Variants in SBF2 observed in about 807,000 individuals in gnomAD.
The protein encoded by SBF2 is myotubularin-related protein 13.
A neutral mutation model predicts 225.2 loss-of-function variants in SBF2; 112 were observed. The observed-to-expected ratio is 0.50, with a 90% confidence interval of 0.43 to 0.58. SBF2 has a LOEUF of 0.58. SBF2 is among the 20% of genes least tolerant of loss of function. SBF2 has a pLI of 0.00. For missense variants in SBF2, 1,996 were observed against 2,206.2 expected (o/e 0.90, Z 1.91); for synonymous variants, 763 against 773.3 (o/e 0.99, Z 0.22).
At chr11:10,168,039 G>A (rs1469361123) in intron 2 of SBF2, among the ~76,000 whole-genome samples, 1 of 152,044 alleles carries the variant, frequency 6.6e-6, no homozygotes, top group Non-Finnish European at 1.5e-5. Context: ...CAAAAACAAA[G>A]TAACAGACCA....
intron 17 of SBF2, among the ~76,000 whole-genome samples, chr11:9,871,220 T>C (rs901241390): frequency 6.6e-5 from 10 of 151,784 alleles, no homozygotes; most frequent in African/African-American, 2.4e-4. Context: ...ACCTACAGAA[T>C]GGGAGAAAAT....
intron 17 of SBF2, among the ~76,000 whole-genome samples, chr11:9,877,539 C>T (rs1327289640): frequency 6.6e-6 from 1 of 152,116 alleles, no homozygotes; most frequent in African/African-American, 2.4e-5. Context: ...AATGCTATCC[C>T]TACCCCAATC....
intron 14 of SBF2, among the ~76,000 whole-genome samples, chr11:9,966,539 T>A (rs1464914897): frequency 6.6e-6 from 1 of 152,286 alleles, no homozygotes; most frequent in East Asian, 1.9e-4. Context: ...AAATAGGGAA[T>A]TCTGCTATTA....
chr11:9,871,470 C>CTTATTA (rs375904547), intron 17 of SBF2, among the ~76,000 whole-genome samples: 29,536 of 136,672 alleles, frequency 0.22, 3,409 homozygotes, highest in Middle Eastern at 0.27. Flanking sequence ...CAGGATGACG[C>CTTATTA]TTATTATTAT....
intron 32 of SBF2, among the ~76,000 whole-genome samples, chr11:9,804,304 C>T (rs1853664046): frequency 6.6e-6 from 1 of 152,162 alleles, no homozygotes; most frequent in African/African-American, 2.4e-5. Context: ...AGCAAGCAGC[C>T]AGACCTACAA....
intron 3 of SBF2, among the ~76,000 whole-genome samples, chr11:10,037,606 T>A (rs371434752): frequency 2.0e-5 from 3 of 151,714 alleles, no homozygotes; most frequent in African/African-American, 7.3e-5. Context: ...AACCTACCTA[T>A]ATGGTCAACT....
intron 2 of SBF2, among the ~76,000 whole-genome samples, chr11:10,073,280 T>G (rs979010192): frequency 2.6e-5 from 4 of 152,154 alleles, no homozygotes; most frequent in African/African-American, 9.6e-5. Flanking sequence ...CCTTGTAAAG[T>G]TGAAGTAAAA....
chr11:10,107,723 A>G (rs1952613290), intron 2 of SBF2, among the ~76,000 whole-genome samples: 1 of 152,056 alleles, frequency 6.6e-6, no homozygotes, highest in Non-Finnish European at 1.5e-5. Flanking sequence ...CCTCCTCTTT[A>G]TGTCTCCTCC....
At chr11:9,981,341 T>C (rs1190676180) in intron 13 of SBF2, among the ~76,000 whole-genome samples, 2 of 152,196 alleles carry the variant, frequency 1.3e-5, no homozygotes, top group East Asian at 3.8e-4. Flanking sequence ...GAAAAGTGAC[T>C]ACTGGGTACT....
chr11:10,129,182 C>T (rs546070892), intron 2 of SBF2, among the ~76,000 whole-genome samples: 5 of 143,984 alleles, frequency 3.5e-5, no homozygotes, highest in Admixed American at 7.5e-5. Context: ...TGGCTTACTG[C>T]AACCTCGACC....
intron 1 of SBF2, among the ~76,000 whole-genome samples, chr11:10,233,954 C>A (rs1037473855): frequency 6.6e-6 from 1 of 152,168 alleles, no homozygotes; most frequent in African/African-American, 2.4e-5. Context: ...TTCATTAATC[C>A]TTCACAGTCA....
At chr11:9,995,942 G>A (rs1473745657) in intron 9 of SBF2, among the ~76,000 whole-genome samples, 1 of 151,562 alleles carries the variant, frequency 6.6e-6, no homozygotes, top group Non-Finnish European at 1.5e-5. Flanking sequence ...TTACACGCAT[G>A]AGCCACCGCA....
intron 16 of SBF2, among the ~76,000 whole-genome samples, chr11:9,911,225 G>A (rs1259809716): frequency 9.9e-5 from 15 of 151,854 alleles, no homozygotes; most frequent in East Asian, 5.8e-4. Context: ...AAAATTAGTC[G>A]GGTGTGGTGG....
intron 24 of SBF2, among the ~76,000 whole-genome samples, chr11:9,843,616 T>C (rs1856326715): frequency 1.3e-5 from 2 of 152,210 alleles, no homozygotes; most frequent in South Asian, 2.1e-4. Context: ...GGTGTTTTCT[T>C]GCCATTCAGT....
At chr11:9,973,461 T>C (rs1019636721) in intron 13 of SBF2, among the ~76,000 whole-genome samples, 1 of 152,244 alleles carries the variant, frequency 6.6e-6, no homozygotes, top group Non-Finnish European at 1.5e-5. Context: ...AACATTTTTT[T>C]CCAAAGTAAC....
rs984771007 is a variant in SBF2 at position 9,842,889 on chromosome 11, C to T, written c.3111-119G>A. 29 of 949,022 alleles carry T rather than the reference C, an allele frequency of 3.1e-5. No homozygotes were observed. In the South Asian group the frequency reaches 4.0e-4, roughly 13 times the overall value. 58.8% of individuals were successfully genotyped at this position (949,022 alleles called of 1,614,324 possible). On this transcript the variant is annotated intron_variant, in intron 24 of 39. Coordinates refer to ENST00000256190, the MANE Select transcript of SBF2 (RefSeq NM_030962.4). The stretch of plus-strand genomic sequence containing the variant: ...TTCCCACAGCCACTACTGGTCCAGA[C>T]TCTTGTTAAGCCTCTCCTTCTTTAG...
At chr11:10,098,086 T>G (rs1952107032) in intron 2 of SBF2, among the ~76,000 whole-genome samples, 1 of 152,072 alleles carries the variant, frequency 6.6e-6, no homozygotes, top group Admixed American at 6.5e-5. Flanking sequence ...ATCTGCCAAC[T>G]AGGCTATATG....
At chr11:9,829,296 AG>A in intron 28 of SBF2, 59 bp downstream of exon 28, 1 of 1,550,750 alleles carries the variant, frequency 6.4e-7, no homozygotes, top group Non-Finnish European at 8.9e-7. Context: ...AAATAACCCT[AG>A]GAACAGAACT....
intron 2 of SBF2, among the ~76,000 whole-genome samples, chr11:10,122,096 C>T (rs1428854066): frequency 6.6e-6 from 1 of 152,124 alleles, no homozygotes; most frequent in African/African-American, 2.4e-5. Context: ...AGTGAAAATT[C>T]TCAAGTGAAT....
Sources: allele counts gnomAD v4.1 joint callset (sites outside exome capture counted in the v4.1 genomes callset), GRCh38; gene constraint gnomAD v4.1.1; transcripts MANE v1.5; gene names NCBI Gene and HGNC (gene_info 2026-07-23, HGNC 2026-07-21).